The following RXFP1 variants were observed in gnomAD, a reference collection of about 807,000 sequenced individuals.
RXFP1 encodes the protein relaxin receptor 1.
A neutral mutation model predicts 89.8 loss-of-function variants in RXFP1; 73 were observed. The ratio of observed to expected loss-of-function variants is 0.81; its 90% confidence interval spans 0.67 to 0.99. RXFP1 has a LOEUF of 0.99. Among genes scored for constraint, RXFP1 ranks in the 50% least tolerant of loss-of-function variants. The pLI, the probability that RXFP1 is intolerant of heterozygous loss-of-function variation, is 0.00. For synonymous variants in RXFP1, 277 were observed against 305.5 expected (o/e 0.91, Z 0.97); for missense variants, 793 against 895.5 (o/e 0.89, Z 1.46).
intron 1 of RXFP1, among the ~76,000 whole-genome samples, chr4:158,540,338 C>T (rs1171075777): frequency 1.3e-5 from 2 of 152,064 alleles, no homozygotes; most frequent in African/African-American, 4.8e-5. Context: ...AGTTCTTCCC[C>T]TTTTGGGACC....
At chr4:158,578,978 A>G (rs1756800922) in intron 2 of RXFP1, among the ~76,000 whole-genome samples, 2 of 147,430 alleles carry the variant, frequency 1.4e-5, no homozygotes, top group African/African-American at 2.5e-5. Context: ...AATATAATGC[A>G]GGTAAAGAGT....
Position 158,521,891 on chromosome 4 carries a change from A to G in RXFP1, c.-86A>G. The G allele has an allele frequency of 1.3e-6, 1 of 794,196 alleles. No homozygotes were observed. The highest frequency in any genetic ancestry group is 2.1e-6 in the Non-Finnish European group (1 of 472,336). 49.2% of individuals were successfully genotyped at this position (794,196 alleles called of 1,614,324 possible). On this transcript the variant is annotated 5_prime_UTR_variant, in exon 1 of 18. Coordinates refer to ENST00000307765, the MANE Select transcript of RXFP1 (RefSeq NM_021634.4). The stretch of plus-strand genomic sequence containing the variant: ...TGCTAAGATTGCAGACAGAAATAGC[A>G]CACAACCACTGTGAGCTGTATGCGA...
chr4:158,561,352 C>T (rs772564871), intron 1 of RXFP1, among the ~76,000 whole-genome samples: 2 of 152,210 alleles, frequency 1.3e-5, no homozygotes, highest in African/African-American at 2.4e-5. Context: ...AAATTCCACA[C>T]CTGACCTAAT....
chr4:158,527,361 G>A (rs934191995), intron 1 of RXFP1, among the ~76,000 whole-genome samples: 2 of 151,508 alleles, frequency 1.3e-5, no homozygotes, highest in Non-Finnish European at 2.9e-5. Flanking sequence ...TGGCCAACAT[G>A]GCGAAACCCC....
At chr4:158,598,498 G>T (rs920120984) in intron 3 of RXFP1, among the ~76,000 whole-genome samples, 1 of 152,038 alleles carries the variant, frequency 6.6e-6, no homozygotes, top group African/African-American at 2.4e-5. Context: ...TCAGGAATTC[G>T]CCATTCCCCA....
At chr4:158,560,799 G>A (rs1229565211) in intron 1 of RXFP1, among the ~76,000 whole-genome samples, 1 of 152,202 alleles carries the variant, frequency 6.6e-6, no homozygotes, top group African/African-American at 2.4e-5. Context: ...TGTCAAGAAA[G>A]CTAGCACCTC....
At chr4:158,576,920 T>G (rs1278161831) in intron 2 of RXFP1, among the ~76,000 whole-genome samples, 1 of 152,230 alleles carries the variant, frequency 6.6e-6, no homozygotes, top group Non-Finnish European at 1.5e-5. Flanking sequence ...TATTTCTGTT[T>G]GTCTCTAATT....
chr4:158,544,263 T>C (rs956768605), intron 1 of RXFP1: 1 of 985,296 alleles, frequency 1.0e-6, no homozygotes, highest in African/African-American at 1.7e-5. Flanking sequence ...ACATCATGTT[T>C]GTTTCTGACC....
intron 6 of RXFP1, chr4:158,610,678 C>A: frequency 7.8e-7 from 1 of 1,289,568 alleles, no homozygotes; most frequent in Non-Finnish European, 1.0e-6. Context: ...GAGGACTGGG[C>A]AAAACAGGTG....
intron 1 of RXFP1, among the ~76,000 whole-genome samples, chr4:158,547,422 T>G (rs1163838071): frequency 6.6e-6 from 1 of 152,234 alleles, no homozygotes; most frequent in Non-Finnish European, 1.5e-5. Context: ...ATTAAATTTT[T>G]GAAGGGTTTT....
At chr4:158,560,125 G>C (rs1018724879) in intron 1 of RXFP1, among the ~76,000 whole-genome samples, 3 of 152,212 alleles carry the variant, frequency 2.0e-5, no homozygotes, top group Non-Finnish European at 2.9e-5. Flanking sequence ...CAGGCTGCCT[G>C]AGACCATCCT....
rs746777942 is a variant in RXFP1, at chr4:158,617,211, C to T, written c.755+6C>T. On this transcript the variant is annotated splice_donor_region_variant and intron_variant, in intron 9 of 17. Transcript: ENST00000307765. ...ATGCCAAGACTACATTGGCTGTAAG[C>T]GATTCTGTCTTTTTTTAAAGAACTC... 27 of 1,590,346 alleles carry T rather than the reference C, an allele frequency of 1.7e-5. No homozygotes were observed. The Admixed American group carries it at 1.7e-4, about 10-fold the overall frequency.
intron 5 of RXFP1, among the ~76,000 whole-genome samples, 154 bp from the exon 6 acceptor site, chr4:158,607,818 G>A (rs1362193696): frequency 6.6e-6 from 1 of 152,052 alleles, no homozygotes; most frequent in Non-Finnish European, 1.5e-5. Context: ...ATAAAATGTG[G>A]CATCTTAACC....
At chr4:158,606,126 G>T (rs925310821) in intron 5 of RXFP1, among the ~76,000 whole-genome samples, 11 of 152,128 alleles carry the variant, frequency 7.2e-5, no homozygotes, top group African/African-American at 2.6e-4. Flanking sequence ...TCACAATTAG[G>T]CCTGACAAAA....
At chr4:158,544,968 T>C (rs1448190590) in intron 1 of RXFP1, among the ~76,000 whole-genome samples, 1 of 151,984 alleles carries the variant, frequency 6.6e-6, no homozygotes, top group Non-Finnish European at 1.5e-5. Flanking sequence ...TACCCAGTAA[T>C]GGGATGGCTG....
chr4:158,634,570 T>C (rs1307593659), intron 12 of RXFP1, among the ~76,000 whole-genome samples: 1 of 152,202 alleles, frequency 6.6e-6, no homozygotes, highest in Non-Finnish European at 1.5e-5. Flanking sequence ...ACTTATGCTT[T>C]TGGTGTCATA....
chr4:158,609,306 G>A (rs539452543), intron 6 of RXFP1, among the ~76,000 whole-genome samples: 4 of 152,206 alleles, frequency 2.6e-5, no homozygotes, highest in Admixed American at 2.0e-4. Flanking sequence ...CAAGAGTTCC[G>A]ATTTCTCCAC....
At chr4:158,595,210 G>A (rs796878978) in intron 3 of RXFP1, among the ~76,000 whole-genome samples, 13 of 152,150 alleles carry the variant, frequency 8.5e-5, no homozygotes, top group African/African-American at 1.7e-4. Flanking sequence ...TATTCTCTCC[G>A]TTTTGTACAA....
intron 2 of RXFP1, among the ~76,000 whole-genome samples, chr4:158,577,932 T>G (rs1756584093): frequency 6.6e-6 from 1 of 152,136 alleles, no homozygotes; most frequent in African/African-American, 2.4e-5. Flanking sequence ...CTTTATTAAG[T>G]ATAAAAAATA....
Sources: gnomAD v4.1 joint callset for allele counts (sites outside exome capture counted in the v4.1 genomes callset) on GRCh38, gnomAD v4.1.1 for gene constraint, MANE v1.5 for transcripts, NCBI Gene and HGNC (gene_info 2026-07-23, HGNC 2026-07-21) for gene names.